The following PARP1 variants were observed in gnomAD, a reference collection of about 807,000 sequenced individuals.
PARP1 encodes poly(ADP-ribose) polymerase 1, also known as poly [ADP-ribose] polymerase 1.
Under a neutral mutation model 118.7 loss-of-function variants are expected in PARP1, and 44 were observed. That is an observed-to-expected ratio of 0.37 (90% CI 0.29 to 0.48). PARP1 has a LOEUF of 0.48. Ranked by LOEUF, PARP1 falls within the 20% of genes least tolerant of loss-of-function variation. PARP1 has a pLI of 0.99. For missense variants in PARP1, 1,100 were observed against 1,272.4 expected (o/e 0.86, Z 2.06); for synonymous variants, 492 against 483.2 (o/e 1.02, Z -0.24).
chr1:226,385,454 G>C, intron 7 of PARP1, 50 bp downstream of exon 7: 1 of 1,546,220 alleles, frequency 6.5e-7, no homozygotes, highest in Non-Finnish European at 8.9e-7. Context: ...GCAGAAAGTG[G>C]GGCCAGGTTT....
rs907170943 is a variant in PARP1 at position 226,380,547 on chromosome 1, A to T, written c.1301-383T>A. Among the ~76,000 whole-genome samples, 13 of 152,358 alleles carry T rather than the reference A, an allele frequency of 8.5e-5. No individual in the cohort carries two copies. The East Asian group carries it at 2.3e-3, about 27-fold the overall frequency. ...CTTTGTTTTACCCTACCTTTTCCAA[A>T]CATACTTGAACCTTGAACTTCTGTT... On this transcript the variant is annotated intron_variant, in intron 9 of 22. Coordinates refer to ENST00000366794, the MANE Select transcript of PARP1 (RefSeq NM_001618.4).
chr1:226,380,080 A>G lies in PARP1; in HGVS notation c.1385T>C (p.Val462Ala). Residue 462 changes from valine (V) to alanine (A), a missense_variant, in exon 10 of 23, where the codon GTC (valine) becomes GCC (alanine). Coordinates refer to ENST00000366794, the MANE Select transcript of PARP1 (RefSeq NM_001618.4). ...RVVSEDFLQD[V>A]SASTKSLQEL... ...CTGAAGGCTCTTGGTGGAGGCGGAG[A>G]CGTCCTGGAGGAAGTCCTCAGACAC... is the stretch of plus-strand genomic sequence containing the variant. The G allele has an allele frequency of 6.2e-7, 1 of 1,614,192 alleles. No homozygotes were observed. The highest frequency in any genetic ancestry group is 8.5e-7 in the Non-Finnish European group (1 of 1,180,034).
intron 2 of PARP1, among the ~76,000 whole-genome samples, chr1:226,399,131 T>C (rs1259398727): frequency 6.9e-6 from 1 of 145,822 alleles, no homozygotes; most frequent in African/African-American, 2.6e-5. Flanking sequence ...TGGAGTGCAG[T>C]GGCATGATCT....
chr1:226,403,953 G>C (rs182590491), intron 1 of PARP1, among the ~76,000 whole-genome samples: 166 of 152,306 alleles, frequency 1.1e-3, no homozygotes, highest in African/African-American at 3.9e-3. Flanking sequence ...TCTCCACTGT[G>C]AGTGGCCTCT....
Position 226,402,244 on chromosome 1 carries a change from T to C in PARP1, c.256A>G (p.Lys86Glu). Residue 86 changes from lysine to glutamate, a missense_variant, in exon 2 of 23, where the codon AAG (lysine) becomes GAG (glutamate). By Grantham distance (56) the Lys-to-Glu change is moderately conservative (BLOSUM62 1). This residue lies in a region of PARP1 where 948 missense variants were observed against 1,031.8 expected (regional missense o/e 0.92). Transcript: ENST00000366794. ...ACTCCTCCAGCTTCCGCTGTCTTCT[T>C]GACTTTCTGCTGGTCATCCCACCGA... ...ELRWDDQQKV[K>E]KTAEAGGVTG... is the part of the protein sequence containing the mutation. 6.2e-7 allele frequency: 1 copy of C among 1,614,188 alleles called. No homozygotes were observed. The highest frequency in any genetic ancestry group is 8.5e-7 in the Non-Finnish European group (1 of 1,180,048).
intron 10 of PARP1, 29 bp from the exon 11 acceptor site, chr1:226,379,670 T>A (rs1477519166): frequency 6.5e-7 from 1 of 1,546,272 alleles, no homozygotes; most frequent in Non-Finnish European, 8.9e-7. Context: ...AATGTAAACA[T>A]GAAGTTAAAT....
At chr1:226,393,967 A>C (rs1664867096) in intron 2 of PARP1, among the ~76,000 whole-genome samples, 1 of 152,258 alleles carries the variant, frequency 6.6e-6, no homozygotes, top group African/African-American at 2.4e-5. Flanking sequence ...CAATAGACAA[A>C]ACTAAAAGAA....
chr1:226,368,421 G>A, intron 15 of PARP1, 100 bp from the exon 16 acceptor site: 1 of 1,483,096 alleles, frequency 6.7e-7, no homozygotes, highest in Non-Finnish European at 9.4e-7. Context: ...AGCAGGTCCA[G>A]AAGTAGCGTG....
At chr1:226,393,235 C>T (rs375797615) in intron 2 of PARP1, among the ~76,000 whole-genome samples, 5 of 152,098 alleles carry the variant, frequency 3.3e-5, no homozygotes, top group African/African-American at 7.2e-5. Context: ...ATTTAAACAG[C>T]GTTAAGATAC....
chr1:226,372,840 C>T (rs963297145), intron 14 of PARP1, among the ~76,000 whole-genome samples: 6 of 152,152 alleles, frequency 3.9e-5, no homozygotes, highest in African/African-American at 1.4e-4. Flanking sequence ...TGAAACGAGC[C>T]CCTCTTCTCC....
At chr1:226,396,703 T>A (rs1298712212) in intron 2 of PARP1, among the ~76,000 whole-genome samples, 1 of 152,136 alleles carries the variant, frequency 6.6e-6, no homozygotes, top group East Asian at 1.9e-4. Context: ...TTCAGTAAAA[T>A]CATTATGCCT....
chr1:226,370,455 G>A lies in PARP1; in HGVS notation c.2133C>T (p.Ser711=). The change falls in exon 15 of 23, where the codon TCC becomes TCT. Residue 711 remains serine (S), a synonymous_variant. Coordinates refer to ENST00000366794, the MANE Select transcript of PARP1 (RefSeq NM_001618.4). ...LSKRQIQAAY[S]ILSEVQQAVS... is the part of the protein sequence containing the mutation. Reference sequence around the variant, plus strand: ...TTACCTGCTGGACCTCACTGAGGATGGAGTATGCGGCCTGGATCTGCCTTT... The same window carrying A: ...TTACCTGCTGGACCTCACTGAGGATAGAGTATGCGGCCTGGATCTGCCTTT... 6.2e-7 allele frequency: 1 copy of A among 1,613,954 alleles called. No individual in the cohort carries two copies. Among genetic ancestry groups the A allele is most frequent in the Non-Finnish European group, 8.5e-7 (1 of 1,179,848 alleles).
chr1:226,375,895 T>C (rs1405379578), intron 13 of PARP1, among the ~76,000 whole-genome samples: 1 of 152,226 alleles, frequency 6.6e-6, no homozygotes, highest in Non-Finnish European at 1.5e-5. Flanking sequence ...AACGTACATA[T>C]GCAGTGAAAG....
intron 2 of PARP1, among the ~76,000 whole-genome samples, chr1:226,401,676 T>C (rs1237640840): frequency 6.6e-6 from 1 of 152,184 alleles, no homozygotes; most frequent in Non-Finnish European, 1.5e-5. Flanking sequence ...TGAGCTATTC[T>C]TCCTTAATCT....
chr1:226,392,976 A>G, intron 2 of PARP1: 1 of 1,557,100 alleles, frequency 6.4e-7, no homozygotes, highest in Non-Finnish European at 8.6e-7. Flanking sequence ...ATGGTATTGG[A>G]GGTTCTAGTA....
chr1:226,366,060 A>G lies in PARP1; in HGVS notation c.2407-8T>C, dbSNP rs752513465. Reference sequence around the variant, plus strand: ...AGAATCTCTGTCAACCACCTGGATAAACAGAATCTTGGGATTAGCACAAAA... The same window carrying G: ...AGAATCTCTGTCAACCACCTGGATAGACAGAATCTTGGGATTAGCACAAAA... On this transcript the variant is annotated splice_region_variant and splice_polypyrimidine_tract_variant and intron_variant, in intron 17 of 22. Coordinates refer to ENST00000366794, the MANE Select transcript of PARP1 (RefSeq NM_001618.4). 6.3e-7 allele frequency: 1 copy of G among 1,596,950 alleles called. No individual in the cohort carries two copies. Among genetic ancestry groups the G allele is most frequent in the African/African-American group, 1.3e-5 (1 of 74,680 alleles).
At position 226,380,131 on chromosome 1, in the gene PARP1, T is replaced by C; in HGVS notation, c.1334A>G (p.Glu445Gly). 1.2e-6 allele frequency: 2 copies of C among 1,614,084 alleles called. No individual in the cohort carries two copies. The highest frequency in any genetic ancestry group is 1.7e-6 in the Non-Finnish European group (2 of 1,179,980). ...AACTCGGATGTTGGCTTCCTTTACT[T>C]CCTCCATCTTCTTATTCATCTTTTC... Reference protein sequence around the residue: ...EVEKMNKKMEEVKEANIRVVS... With the variant: ...EVEKMNKKMEGVKEANIRVVS... The change falls in exon 10 of 23, where the codon GAA (glutamate) becomes GGA (glycine). Residue 445 changes from glutamate to glycine, a missense_variant. Physicochemically the swap from Glu to Gly is moderately conservative, Grantham distance 98. Transcript: ENST00000366794.
chr1:226,386,474 G>C (rs1410117237), intron 5 of PARP1, 32 bp from the exon 6 acceptor site: 1 of 1,373,570 alleles, frequency 7.3e-7, no homozygotes, highest in African/African-American at 1.4e-5. Context: ...TGAGAGGCTA[G>C]CTCTTTTCAA....
chr1:226,367,095 G>A (rs1664285777), intron 17 of PARP1: 2 of 296,256 alleles, frequency 6.8e-6, no homozygotes, highest in East Asian at 8.5e-5. Flanking sequence ...AATGGACACC[G>A]GTAATAAGTC....
Sources: gnomAD v4.1 joint callset for allele counts (sites outside exome capture counted in the v4.1 genomes callset) on GRCh38, gnomAD v4.1.1 for gene constraint, gnomAD v4.1.1 regional missense constraint, MANE v1.5 for transcripts, NCBI Gene and HGNC (gene_info 2026-07-23, HGNC 2026-07-21) for gene names.